Variants in KCNMA1 observed in about 807,000 individuals in gnomAD.
The protein encoded by KCNMA1 is potassium calcium-activated channel subfamily M alpha 1, also known as Calcium-activated potassium channel subunit alpha-1.
A neutral mutation model predicts 140.0 loss-of-function variants in KCNMA1; 29 were observed. The ratio of observed to expected loss-of-function variants is 0.21; its 90% CI spans 0.15 to 0.28. The LOEUF (loss-of-function observed/expected upper bound fraction) is 0.28. Among genes scored for constraint, KCNMA1 ranks in the 10% least tolerant of loss-of-function variants. The probability of loss-of-function intolerance (pLI) is 1.00; values close to 1 mark genes in which losing one functional copy is unlikely to be tolerated. For missense variants in KCNMA1, 880 were observed against 1,602.2 expected (o/e 0.55, Z 7.70); for synonymous variants, 612 against 611.9 (o/e 1.00, Z 0.00).
chr10:77,425,109 GTGGATGGATGGA>G (rs200540048), intron 1 of KCNMA1, among the ~76,000 whole-genome samples: 30 of 150,220 alleles, frequency 2.0e-4, no homozygotes, highest in Middle Eastern at 3.4e-3. Flanking sequence ...GGATGGATGA[GTGGATGGATGGA>G]TGGATGGATG....
chr10:76,886,585 G>A lies in KCNMA1; in HGVS notation c.*681C>T, dbSNP rs1205786349. The A allele has an allele frequency of 3.0e-6, 3 of 988,024 alleles. No homozygotes were observed. Among genetic ancestry groups the A allele is most frequent in the East Asian group, 1.1e-4 (1 of 8,908 alleles). 61.2% of individuals were successfully genotyped at this position (988,024 alleles called of 1,614,324 possible). On this transcript the variant is annotated 3_prime_UTR_variant, in exon 28 of 28. Transcript: ENST00000286628. Reference sequence around the variant, plus strand: ...TCTCCTCCATATTAAGGTGAGAAATGTTCATAAGAACTCCCAGAGGGAACT... The same window carrying A: ...TCTCCTCCATATTAAGGTGAGAAATATTCATAAGAACTCCCAGAGGGAACT...
intron 9 of KCNMA1, among the ~76,000 whole-genome samples, chr10:77,095,923 G>T (rs1447193415): frequency 2.6e-5 from 4 of 152,074 alleles, no homozygotes; most frequent in Non-Finnish European, 5.9e-5. Flanking sequence ...TGACTTTTAG[G>T]TCTATGACAA....
At chr10:77,455,090 GC>G (rs147867637) in intron 1 of KCNMA1, among the ~76,000 whole-genome samples, 81 of 152,270 alleles carry the variant, frequency 5.3e-4, no homozygotes, top group African/African-American at 1.9e-3. Flanking sequence ...GAATATATCA[GC>G]TTTGATCTCT....
intron 2 of KCNMA1, among the ~76,000 whole-genome samples, chr10:77,371,123 A>C (rs763849349): frequency 6.6e-6 from 1 of 152,148 alleles, no homozygotes; most frequent in Non-Finnish European, 1.5e-5. Context: ...AAACAAACCA[A>C]ATTCATACTA....
intron 1 of KCNMA1, among the ~76,000 whole-genome samples, chr10:77,565,246 G>A (rs866957783): frequency 6.6e-6 from 1 of 152,148 alleles, no homozygotes; most frequent in Non-Finnish European, 1.5e-5. Flanking sequence ...GGGATTCCAG[G>A]GATTCCCTCC....
intron 1 of KCNMA1, among the ~76,000 whole-genome samples, chr10:77,612,745 TA>T: frequency 6.6e-6 from 1 of 152,178 alleles, no homozygotes; most frequent in East Asian, 1.9e-4. Context: ...AATGTGGGGG[TA>T]CCTTCCTCTC....
chr10:76,958,804 A>G (rs905886173), intron 20 of KCNMA1, among the ~76,000 whole-genome samples: 2 of 152,210 alleles, frequency 1.3e-5, no homozygotes, highest in African/African-American at 4.8e-5. Flanking sequence ...TCTAGCCACC[A>G]GAACTGTGAG....
intron 20 of KCNMA1, among the ~76,000 whole-genome samples, chr10:76,966,761 G>T (rs2074107509): frequency 6.6e-6 from 1 of 152,162 alleles, no homozygotes; most frequent in African/African-American, 2.4e-5. Flanking sequence ...CGGGGACTTG[G>T]AAGCCTCCAT....
rs549072905 is a variant in KCNMA1, at chr10:77,217,294, C to CA, written c.603-32379dup. Among the ~76,000 whole-genome samples, 1,014 of 112,614 alleles carry CA rather than the reference C, an allele frequency of 9.0e-3. 2 individuals are homozygous for CA. The highest frequency in any genetic ancestry group is 0.032 in the Middle Eastern group (7 of 216). The allele number at this position is 112,614 out of a possible 152,430, so 73.9% of individuals were successfully genotyped here. Reference sequence around the variant, plus strand: ...CACTCCAACCTGGGTGACTCTGTCTCAAAAAAAAAAAAAGAAACTAAACAA... The same window carrying CA: ...CACTCCAACCTGGGTGACTCTGTCTCAAAAAAAAAAAAAAGAAACTAAACAA... On this transcript the variant is annotated intron_variant, in intron 3 of 27. Coordinates refer to ENST00000286628, the MANE Select transcript of KCNMA1 (RefSeq NM_001161352.2).
intron 2 of KCNMA1, among the ~76,000 whole-genome samples, chr10:77,282,044 A>C (rs1427659754): frequency 6.6e-6 from 1 of 152,136 alleles, no homozygotes. Flanking sequence ...TTTGTTTTTC[A>C]ACCCTTATTA....
At chr10:77,398,247 TG>T (rs2096135881) in intron 2 of KCNMA1, among the ~76,000 whole-genome samples, 2 of 152,220 alleles carry the variant, frequency 1.3e-5, no homozygotes, top group Non-Finnish European at 2.9e-5. Context: ...CTGGATCAAA[TG>T]GAAGTTCTGT....
At chr10:77,307,660 C>T (rs2078142084) in intron 2 of KCNMA1, among the ~76,000 whole-genome samples, 2 of 152,254 alleles carry the variant, frequency 1.3e-5, no homozygotes, top group South Asian at 4.1e-4. Flanking sequence ...CATTCTCCTG[C>T]CTCAGCCTCC....
At chr10:77,036,425 C>T (rs2094338667) in intron 15 of KCNMA1, among the ~76,000 whole-genome samples, 1 of 152,204 alleles carries the variant, frequency 6.6e-6, no homozygotes, top group South Asian at 2.1e-4. Flanking sequence ...GAGAAAACTC[C>T]AAGCTCTCCC....
At chr10:77,517,456 C>T (rs2050975287) in intron 1 of KCNMA1, among the ~76,000 whole-genome samples, 1 of 152,218 alleles carries the variant, frequency 6.6e-6, no homozygotes, top group Non-Finnish European at 1.5e-5. Flanking sequence ...CAGTGCAGTG[C>T]AGGACATGGG....
intron 3 of KCNMA1, among the ~76,000 whole-genome samples, chr10:77,196,187 AG>A (rs943753459): frequency 2.6e-5 from 4 of 152,132 alleles, no homozygotes; most frequent in African/African-American, 9.7e-5. Flanking sequence ...GGATGGCCCC[AG>A]GAAGCCGATT....
intron 26 of KCNMA1, among the ~76,000 whole-genome samples, chr10:76,890,684 A>C (rs1305079170): frequency 6.6e-6 from 1 of 152,170 alleles, no homozygotes; most frequent in Non-Finnish European, 1.5e-5. Flanking sequence ...CAGGTTTATC[A>C]GTTTCTGTGA....
chr10:76,902,811 CA>C (rs2046087336), intron 25 of KCNMA1: 2 of 152,184 alleles, frequency 1.3e-5, no homozygotes, highest in African/African-American at 4.8e-5. Context: ...AAAAACAAAA[CA>C]AAACAAAAAT....
intron 1 of KCNMA1, among the ~76,000 whole-genome samples, chr10:77,570,700 A>G (rs948310941): frequency 6.6e-6 from 1 of 151,562 alleles, no homozygotes; most frequent in African/African-American, 2.4e-5. Context: ...AACTAACCTG[A>G]ACATTGTGCA....
intron 1 of KCNMA1, among the ~76,000 whole-genome samples, chr10:77,591,568 G>A (rs1054250336): frequency 6.6e-6 from 1 of 152,188 alleles, no homozygotes; most frequent in African/African-American, 2.4e-5. Context: ...CTGAGGGTGG[G>A]ACCCAGCAAT....
Sources: gnomAD v4.1 joint callset for allele counts (sites outside exome capture counted in the v4.1 genomes callset) on GRCh38, gnomAD v4.1.1 for gene constraint, MANE v1.5 for transcripts, NCBI Gene and HGNC (gene_info 2026-07-23, HGNC 2026-07-21) for gene names.